Variants in MS4A6E observed in about 807,000 individuals in gnomAD.
MS4A6E encodes membrane spanning 4-domains A6E.
Under a neutral mutation model 13.2 loss-of-function variants are expected in MS4A6E, and 8 were observed. The observed-to-expected ratio is 0.60, with a 90% confidence interval of 0.35 to 1.09. The LOEUF is 1.09. MS4A6E is among the 50% of genes least tolerant of loss of function. MS4A6E has a pLI of 0.02. For synonymous variants in MS4A6E, 72 were observed against 67.6 expected (o/e 1.06, Z -0.32); for missense variants, 177 against 171.1 (o/e 1.03, Z -0.19).
chr11:60,332,337 T>C (rs10897047), intron 1 of MS4A6E, among the ~76,000 whole-genome samples: 54,445 of 152,108 alleles, frequency 0.36, 10,267 homozygotes, highest in East Asian at 0.41. Context: ...TGGGAACACA[T>C]AATTGTAGTA....
intron 1 of MS4A6E, among the ~76,000 whole-genome samples, chr11:60,330,832 T>C (rs2085150871): frequency 6.6e-6 from 1 of 152,212 alleles, no homozygotes; most frequent in South Asian, 2.1e-4. Flanking sequence ...GTTTTCTGCA[T>C]ATGGCTAGCC....
At position 60,341,208 on chromosome 11, in the gene MS4A6E, C is replaced by A. The variant is rs1275129249; in HGVS notation, c.*442C>A. 6.6e-6 allele frequency among the ~76,000 whole-genome samples: 1 copy of A among 152,176 alleles called. No individual in the cohort carries two copies. Among genetic ancestry groups the A allele is most frequent in the Non-Finnish European group, 1.5e-5 (1 of 68,026 alleles). ...TAACTGATTTGCTGTGGTGCGCAGA[C>A]TCTTTTATCACAGGTGCTACTGATT... On this transcript the variant is annotated 3_prime_UTR_variant, in exon 5 of 5. Transcript: ENST00000684409.
chr11:60,327,667 T>A (rs2085128344), intron 1 of MS4A6E, among the ~76,000 whole-genome samples: 1 of 152,142 alleles, frequency 6.6e-6, no homozygotes, highest in African/African-American at 2.4e-5. Context: ...GTAATTACAA[T>A]ATCAATTAAA....
chr11:60,343,819 C>G (rs950378889), downstream of MS4A6E, among the ~76,000 whole-genome samples: 2 of 152,162 alleles, frequency 1.3e-5, no homozygotes, highest in Non-Finnish European at 2.9e-5. Flanking sequence ...TCTGGGCTGT[C>G]AGAGGTTGCT....
downstream of MS4A6E, among the ~76,000 whole-genome samples, chr11:60,345,038 C>T (rs1481919522): frequency 6.6e-6 from 1 of 151,978 alleles, no homozygotes; most frequent in African/African-American, 2.4e-5. Flanking sequence ...GGGTTCACGC[C>T]ATTCTCCTGC....
intron 2 of MS4A6E, among the ~76,000 whole-genome samples, chr11:60,335,945 G>C (rs1167477976): frequency 6.6e-6 from 1 of 152,104 alleles, no homozygotes; most frequent in Non-Finnish European, 1.5e-5. Context: ...AATGCACACT[G>C]GGGCCTTTCA....
At chr11:60,344,142 C>A (rs2085245820), downstream of MS4A6E, among the ~76,000 whole-genome samples, 1 of 152,196 alleles carries the variant, frequency 6.6e-6, no homozygotes, top group African/African-American at 2.4e-5. Flanking sequence ...ACCATCCATA[C>A]AGCATTTTAA....
intron 1 of MS4A6E, among the ~76,000 whole-genome samples, chr11:60,328,614 T>A (rs6650186): frequency 0.95 from 144,677 of 152,222 alleles, 69,051 homozygotes; most frequent in Non-Finnish European, 1. Context: ...ACATGGAAGA[T>A]ACTGGAGAAA....
downstream of MS4A6E, among the ~76,000 whole-genome samples, chr11:60,345,928 A>G (rs773366733): frequency 3.3e-5 from 5 of 152,168 alleles, no homozygotes; most frequent in Non-Finnish European, 7.3e-5. Flanking sequence ...CTATGGGAAG[A>G]GGGGAGGCCT....
At chr11:60,332,797 A>G (rs2085164995) in intron 1 of MS4A6E, among the ~76,000 whole-genome samples, 1 of 152,252 alleles carries the variant, frequency 6.6e-6, no homozygotes, top group South Asian at 2.1e-4. Flanking sequence ...ACCAAATAAT[A>G]TATGTAAGAC....
chr11:60,332,943 A>G (rs2085166199), intron 1 of MS4A6E, among the ~76,000 whole-genome samples: 1 of 152,220 alleles, frequency 6.6e-6, no homozygotes, highest in African/African-American at 2.4e-5. Flanking sequence ...TCCTCCTCAC[A>G]AAGAGCCCAC....
intron 2 of MS4A6E, 61 bp downstream of exon 2, chr11:60,335,103 G>A: frequency 6.3e-7 from 1 of 1,592,082 alleles, no homozygotes; most frequent in Admixed American, 1.7e-5. Context: ...GATGATGTAT[G>A]TTTTGGGACT....
chr11:60,345,701 T>A (rs2085253277), downstream of MS4A6E, among the ~76,000 whole-genome samples: 1 of 152,226 alleles, frequency 6.6e-6, no homozygotes, highest in East Asian at 1.9e-4. Flanking sequence ...GCTGGCTGGC[T>A]GTTAGCCAAA....
At chr11:60,340,201 T>C (rs1385565813) in intron 4 of MS4A6E, among the ~76,000 whole-genome samples, 3 of 152,230 alleles carry the variant, frequency 2.0e-5, no homozygotes, top group African/African-American at 7.2e-5. Context: ...ACTGGTTCAA[T>C]CTTCCCATTT....
At chr11:60,329,496 C>T (rs769751602) in intron 1 of MS4A6E, among the ~76,000 whole-genome samples, 5 of 152,094 alleles carry the variant, frequency 3.3e-5, no homozygotes, top group Non-Finnish European at 7.3e-5. Context: ...ATAATCCTTT[C>T]AGTATATACC....
chr11:60,339,698 A>G (rs924892763), intron 3 of MS4A6E, among the ~76,000 whole-genome samples, 168 bp from the exon 4 acceptor site: 17 of 152,200 alleles, frequency 1.1e-4, no homozygotes, highest in Non-Finnish European at 2.9e-5. Flanking sequence ...TGAGTGAAGG[A>G]GTTGAATTAA....
At chr11:60,331,272 A>G (rs967073363) in intron 1 of MS4A6E, among the ~76,000 whole-genome samples, 1 of 152,114 alleles carries the variant, frequency 6.6e-6, no homozygotes, top group Admixed American at 6.5e-5. Context: ...AGTTCTTATT[A>G]CAATTTCCTC....
downstream of MS4A6E, among the ~76,000 whole-genome samples, chr11:60,343,124 G>C (rs1175948862): frequency 7.4e-6 from 1 of 134,448 alleles, no homozygotes; most frequent in Admixed American, 7.0e-5. Context: ...ACCATTTAAA[G>C]TTTGCTTCTA....
At chr11:60,339,033 T>A (rs1197052341) in intron 3 of MS4A6E, among the ~76,000 whole-genome samples, 1 of 152,230 alleles carries the variant, frequency 6.6e-6, no homozygotes, top group Admixed American at 6.5e-5. Context: ...CTGTTGAGCT[T>A]GCTTGCTGGA....
Sources: allele counts gnomAD v4.1 joint callset (sites outside exome capture counted in the v4.1 genomes callset), GRCh38; gene constraint gnomAD v4.1.1; transcripts MANE v1.5; gene names NCBI Gene and HGNC (gene_info 2026-07-23, HGNC 2026-07-21).